The following COG6 variants were observed in gnomAD, a reference collection of about 807,000 sequenced individuals.
COG6 encodes component of oligomeric golgi complex 6.
A neutral mutation model predicts 88.8 loss-of-function variants in COG6; 74 were observed. The ratio of observed to expected loss-of-function variants is 0.83; its 90% CI spans 0.69 to 1.01. The LOEUF (loss-of-function observed/expected upper bound fraction) is 1.01, where lower values mean the gene tolerates loss of function less well. Ranked by LOEUF, COG6 falls within the 50% of genes least tolerant of loss-of-function variation. COG6 has a pLI of 0.00. For synonymous variants in COG6, 286 were observed against 278.7 expected, an observed-to-expected ratio of 1.03 and a Z score of -0.26; for missense variants, 800 against 797.9, an observed-to-expected ratio of 1.00 and a Z score of -0.03.
At chr13:39,725,862 A>AC in intron 17 of COG6, among the ~76,000 whole-genome samples, 1 of 152,020 alleles carries the variant, frequency 6.6e-6, no homozygotes, top group East Asian at 1.9e-4. Flanking sequence ...CAAGATATTT[A>AC]CCCCCCAAAA....
chr13:39,657,489 A>T (rs1874595824), intron 1 of COG6, among the ~76,000 whole-genome samples: 1 of 149,968 alleles, frequency 6.7e-6, no homozygotes, highest in Non-Finnish European at 1.5e-5. Flanking sequence ...ACCTTAGGAC[A>T]TTTCAAGGCT....
At chr13:39,726,334 A>C (rs1391179793) in intron 17 of COG6, among the ~76,000 whole-genome samples, 1 of 151,982 alleles carries the variant, frequency 6.6e-6, no homozygotes, top group African/African-American at 2.4e-5. Flanking sequence ...TTGGGATGAA[A>C]ACAGATATGA....
intron 15 of COG6, among the ~76,000 whole-genome samples, chr13:39,722,966 G>A (rs571501074): frequency 2.1e-4 from 32 of 152,190 alleles, no homozygotes; most frequent in African/African-American, 6.7e-4. Flanking sequence ...AGTTGGGAGC[G>A]TGAGGAGGAC....
At chr13:39,690,510 A>C (rs963502384) in intron 11 of COG6, among the ~76,000 whole-genome samples, 1 of 151,924 alleles carries the variant, frequency 6.6e-6, no homozygotes, top group African/African-American at 2.4e-5. Flanking sequence ...TCCTTTATTA[A>C]TATTTAGAGA....
chr13:39,744,060 A>G (rs1162114145), intron 18 of COG6, among the ~76,000 whole-genome samples: 1 of 152,234 alleles, frequency 6.6e-6, no homozygotes, highest in Non-Finnish European at 1.5e-5. Flanking sequence ...ACAGCCCTTC[A>G]TGCTAAAAAC....
intron 13 of COG6, among the ~76,000 whole-genome samples, chr13:39,719,027 CAT>C (rs1878693112): frequency 1.3e-5 from 2 of 152,180 alleles, no homozygotes; most frequent in Middle Eastern, 3.4e-3. Context: ...TACAAGGTGA[CAT>C]ATTCTGAGAT....
chr13:39,694,029 T>A (rs921183870), intron 11 of COG6, among the ~76,000 whole-genome samples: 1 of 151,788 alleles, frequency 6.6e-6, no homozygotes, highest in Non-Finnish European at 1.5e-5. Context: ...AAAAGAAGGA[T>A]CAGTGAGGGA....
At chr13:39,779,662 C>G (rs988878372) in intron 18 of COG6, among the ~76,000 whole-genome samples, 1 of 152,102 alleles carries the variant, frequency 6.6e-6, no homozygotes, top group East Asian at 1.9e-4. Flanking sequence ...ATTCAGGAAC[C>G]CTTGAATAGA....
At chr13:39,676,288 A>G (rs1875962194) in intron 4 of COG6, among the ~76,000 whole-genome samples, 1 of 152,128 alleles carries the variant, frequency 6.6e-6, no homozygotes, top group African/African-American at 2.4e-5. Context: ...TTGTATAACT[A>G]CCAGAAAAAA....
intron 18 of COG6, among the ~76,000 whole-genome samples, chr13:39,782,493 G>A (rs1208769257): frequency 6.6e-6 from 1 of 152,182 alleles, no homozygotes. Context: ...TCTTGTCCAG[G>A]TCAGACAGGA....
At chr13:39,720,971 A>C in intron 15 of COG6, among the ~76,000 whole-genome samples, 1 of 152,186 alleles carries the variant, frequency 6.6e-6, no homozygotes, top group African/African-American at 2.4e-5. Flanking sequence ...TGTTTTGTTA[A>C]ATTATTATTA....
chr13:39,679,759 G>T, intron 6 of COG6, 139 bp downstream of exon 6: 1 of 736,696 alleles, frequency 1.4e-6, no homozygotes, highest in Non-Finnish European at 2.5e-6. Flanking sequence ...GAATGGTGAA[G>T]TTATACTCTG....
intron 12 of COG6, 72 bp from the exon 13 acceptor site, chr13:39,699,429 G>A (rs966972713): frequency 9.3e-6 from 7 of 750,578 alleles, no homozygotes; most frequent in Admixed American, 2.0e-5. Flanking sequence ...TCCTTTTAAA[G>A]CATTCTACTC....
Position 39,665,136 on chromosome 13 carries a change from C to A in COG6, c.410C>A (p.Thr137Asn). 6.5e-7 allele frequency: 1 copy of A among 1,534,472 alleles called. No homozygotes were observed. The highest frequency in any genetic ancestry group is 9.0e-7 in the Non-Finnish European group (1 of 1,108,404). ...ACTCAAGATTTAATAGTAAAAACCA[C>A]TAAGCTTCAATCTGAAAGGTAAGTT... ...EQTQDLIVKT[T>N]KLQSESQKLE... The change falls in exon 4 of 19, where the codon ACT becomes AAT. Residue 137 changes from threonine to asparagine, a missense_variant. Thr to Asn is a moderately conservative substitution (Grantham distance 65, BLOSUM62 0). Transcript: ENST00000455146.
At chr13:39,724,704 G>A (rs982194858) in intron 17 of COG6, 143 bp downstream of exon 17, 51 of 691,578 alleles carry the variant, frequency 7.4e-5, no homozygotes, top group Non-Finnish European at 7.7e-6. Flanking sequence ...AATAATGACT[G>A]AGCCTGTATT....
At chr13:39,680,148 A>T (rs1593420113) in intron 7 of COG6, 103 bp downstream of exon 7, 1 of 392,042 alleles carries the variant, frequency 2.6e-6, no homozygotes, top group South Asian at 2.8e-5. Flanking sequence ...TAGTAATCAA[A>T]CATTTTTTAA....
rs1304522116 is a variant in COG6, at chr13:39,655,755, C to T, written c.29C>T (p.Ala10Val). ...GCAGAGGGCAGCGGGGAAGTGGTCG[C>T]AGTGTCTGCGACCGGGGCTGCCAAC... MAEGSGEVV[A>V]VSATGAANGL... Residue 10 changes from alanine to valine, a missense_variant, in exon 1 of 19, where the codon GCA becomes GTA. Transcript: ENST00000455146. 2.5e-6 allele frequency: 4 copies of T among 1,593,294 alleles called. No individual in the cohort carries two copies. The highest frequency in any genetic ancestry group is 2.7e-5 in the African/African-American group (2 of 74,396).
chr13:39,705,096 CTG>C (rs1877809642), intron 13 of COG6, among the ~76,000 whole-genome samples: 1 of 152,110 alleles, frequency 6.6e-6, no homozygotes, highest in Non-Finnish European at 1.5e-5. Context: ...TCTAAAAACA[CTG>C]TAGCTTTATG....
At position 39,751,256 on chromosome 13, in the gene COG6, G is replaced by A; in HGVS notation, c.*163G>A. On this transcript the variant is annotated 3_prime_UTR_variant, in exon 19 of 19. Transcript: ENST00000455146. ...TTTTTTTTTTGGTCTCAGTAACAGG[G>A]AAGTAAGTAACATGTTGACCTGAGC... is the stretch of plus-strand genomic sequence containing the variant. 2 of 1,515,528 alleles carry A rather than the reference G, an allele frequency of 1.3e-6. No homozygotes were observed. Among genetic ancestry groups the A allele is most frequent in the South Asian group, 1.2e-5 (1 of 80,674 alleles). The allele number at this position is 1,515,528 out of a possible 1,614,324, so 93.9% of individuals were successfully genotyped here. A position where few individuals can be genotyped will look rare whatever the true frequency, so the allele number is the denominator to read the frequency against.
Sources: allele counts gnomAD v4.1 joint callset (sites outside exome capture counted in the v4.1 genomes callset), GRCh38; gene constraint gnomAD v4.1.1; transcripts MANE v1.5; gene names NCBI Gene and HGNC (gene_info 2026-07-23, HGNC 2026-07-21).